Variants in GULP1 observed in about 807,000 individuals in gnomAD.
GULP1 encodes GULP PTB domain containing engulfment adaptor 1, also known as PTB domain-containing engulfment adapter protein 1.
A neutral mutation model predicts 40.9 loss-of-function variants in GULP1; 19 were observed. The observed-to-expected ratio is 0.46, with a 90% confidence interval of 0.32 to 0.68. The LOEUF is 0.68. Ranked by LOEUF, GULP1 falls within the 30% of genes least tolerant of loss-of-function variation. The pLI is 0.03. For missense variants in GULP1, 312 were observed against 362.2 expected (o/e 0.86, Z 1.12); for synonymous variants, 119 against 117.6 (o/e 1.01, Z -0.08).
chr2:188,313,635 T>C (rs1017506199), intron 1 of GULP1, among the ~76,000 whole-genome samples: 8 of 152,136 alleles, frequency 5.3e-5, no homozygotes, highest in Non-Finnish European at 1.2e-4. Context: ...AAGTAGTTTT[T>C]TCTAATTCTG....
At chr2:188,419,351 C>G (rs967089513) in intron 2 of GULP1, among the ~76,000 whole-genome samples, 1 of 152,116 alleles carries the variant, frequency 6.6e-6, no homozygotes, top group African/African-American at 2.4e-5. Context: ...TCTCCATACC[C>G]TGGTCAATAC....
At chr2:188,352,822 T>C (rs535027740) in intron 1 of GULP1, among the ~76,000 whole-genome samples, 19 of 152,196 alleles carry the variant, frequency 1.2e-4, no homozygotes, top group Non-Finnish European at 2.1e-4. Flanking sequence ...GCCAAAATTC[T>C]AGATTCATTA....
chr2:188,477,542 A>T, intron 2 of GULP1, 117 bp from the exon 3 acceptor site: 2 of 557,306 alleles, frequency 3.6e-6, no homozygotes, highest in Non-Finnish European at 6.3e-6. Context: ...ATTTTAGAAT[A>T]TTGTTTGTAA....
intron 4 of GULP1, 67 bp downstream of exon 4, chr2:188,483,559 C>A (rs2061603110): frequency 3.3e-6 from 2 of 607,932 alleles, no homozygotes; most frequent in Non-Finnish European, 5.7e-6. Context: ...CATGGCTAAT[C>A]TCAGATTGCT....
chr2:188,367,363 G>A (rs1342223954), intron 1 of GULP1, among the ~76,000 whole-genome samples: 1 of 152,134 alleles, frequency 6.6e-6, no homozygotes, highest in Non-Finnish European at 1.5e-5. Context: ...GTAAATAGAA[G>A]CAGCTTGATG....
chr2:188,528,854 C>A (rs1197723984), intron 5 of GULP1, among the ~76,000 whole-genome samples: 1 of 151,980 alleles, frequency 6.6e-6, no homozygotes, highest in Non-Finnish European at 1.5e-5. Context: ...TTTGTAAATA[C>A]CATGAAAGAA....
At chr2:188,303,611 G>C (rs1484545625) in intron 1 of GULP1, among the ~76,000 whole-genome samples, 6 of 152,154 alleles carry the variant, frequency 3.9e-5, no homozygotes, top group Non-Finnish European at 7.3e-5. Context: ...ATTAGAACTG[G>C]TATCAGTATG....
At chr2:188,477,140 A>G (rs570341716) in intron 2 of GULP1, among the ~76,000 whole-genome samples, 2 of 152,222 alleles carry the variant, frequency 1.3e-5, no homozygotes, top group East Asian at 3.9e-4. Flanking sequence ...TCTGAGCTCA[A>G]TATGTACCAA....
intron 1 of GULP1, among the ~76,000 whole-genome samples, chr2:188,381,256 A>G (rs2048966727): frequency 6.6e-6 from 1 of 152,138 alleles, no homozygotes; most frequent in Non-Finnish European, 1.5e-5. Context: ...AGAAGTAGGC[A>G]TAAGTTAGTT....
At chr2:188,313,586 T>G (rs1183832722) in intron 1 of GULP1, among the ~76,000 whole-genome samples, 1 of 152,158 alleles carries the variant, frequency 6.6e-6, no homozygotes, top group Non-Finnish European at 1.5e-5. Flanking sequence ...AGGATTGTCT[T>G]GGCTATATGG....
chr2:188,335,547 A>G (rs2042147937), intron 1 of GULP1, among the ~76,000 whole-genome samples: 1 of 152,142 alleles, frequency 6.6e-6, no homozygotes, highest in African/African-American at 2.4e-5. Flanking sequence ...TCCCCGTAGC[A>G]TCCTGTATAC....
Position 188,594,473 on chromosome 2 carries a change from C to A in GULP1, c.*462C>A, listed in dbSNP as rs1243635015. ...AACAAACATGTTACTATTCATTGGA[C>A]AGATATCATTTTATGTATAAATACT... On this transcript the variant is annotated 3_prime_UTR_variant, in exon 12 of 12. Transcript: ENST00000409830. The A allele has an allele frequency of 1.3e-5, 2 of 152,484 alleles. No individual in the cohort carries two copies. The highest frequency in any genetic ancestry group is 4.8e-5 in the African/African-American group (2 of 41,372). 9.4% of individuals were successfully genotyped at this position (152,484 alleles called of 1,614,324 possible).
intron 2 of GULP1, among the ~76,000 whole-genome samples, chr2:188,403,842 G>GA (rs1483723336): frequency 2.0e-5 from 3 of 152,146 alleles, no homozygotes; most frequent in African/African-American, 7.2e-5. Flanking sequence ...ATTCAAACCT[G>GA]AAAATCTCCT....
At chr2:188,386,922 A>G (rs1246378719) in intron 2 of GULP1, among the ~76,000 whole-genome samples, 5 of 152,158 alleles carry the variant, frequency 3.3e-5, no homozygotes, top group African/African-American at 1.2e-4. Context: ...ATTCCCTTAC[A>G]TAACTAAGCC....
chr2:188,481,582 C>T (rs982971760), intron 3 of GULP1, among the ~76,000 whole-genome samples: 1 of 151,762 alleles, frequency 6.6e-6, no homozygotes, highest in Admixed American at 6.6e-5. Context: ...CTTTTTAGGT[C>T]GCTGCAATAT....
intron 4 of GULP1, among the ~76,000 whole-genome samples, chr2:188,496,746 C>T (rs1230796952): frequency 6.6e-6 from 1 of 151,856 alleles, no homozygotes; most frequent in African/African-American, 2.4e-5. Context: ...CAATTGTAAT[C>T]CCCAGTGTTG....
chr2:188,344,798 C>T (rs1339157476), intron 1 of GULP1, among the ~76,000 whole-genome samples: 2 of 152,144 alleles, frequency 1.3e-5, no homozygotes, highest in Admixed American at 6.5e-5. Flanking sequence ...AAACTGTACT[C>T]ATTGCAAATA....
intron 2 of GULP1, among the ~76,000 whole-genome samples, chr2:188,468,610 T>TTATATATATATATATATA (rs1278449738): frequency 1.9e-4 from 29 of 152,320 alleles, no homozygotes; most frequent in South Asian, 1.0e-3. Flanking sequence ...GGAACAGTTT[T>TTATATATATATATATATA]TATAGTGAAA....
intron 1 of GULP1, among the ~76,000 whole-genome samples, chr2:188,309,984 A>G (rs1247663191): frequency 6.6e-6 from 1 of 152,220 alleles, no homozygotes; most frequent in Non-Finnish European, 1.5e-5. Flanking sequence ...ATTCATTAGA[A>G]TCTGGCCTTC....
Sources: allele counts gnomAD v4.1 joint callset (sites outside exome capture counted in the v4.1 genomes callset), GRCh38; gene constraint gnomAD v4.1.1; transcripts MANE v1.5; gene names NCBI Gene and HGNC (gene_info 2026-07-23, HGNC 2026-07-21).